DLC1: variants seen among roughly 807,000 people sequenced by gnomAD.
The protein encoded by DLC1 is rho GTPase-activating protein 7.
Under a neutral mutation model 140.3 loss-of-function variants are expected in DLC1, and 54 were observed. The ratio of observed to expected loss-of-function variants is 0.38; its 90% CI spans 0.31 to 0.48. The LOEUF is 0.48. Among genes scored for constraint, DLC1 ranks in the 20% least tolerant of loss-of-function variants. The pLI is 0.96. For synonymous variants in DLC1, 986 were observed against 728.1 expected, an observed-to-expected ratio of 1.35 and a Z score of -5.70; for missense variants, 2,536 against 1,907.0, an observed-to-expected ratio of 1.33 and a Z score of -6.14.
chr8:13,313,894 A>G (rs998807418), intron 4 of DLC1, among the ~76,000 whole-genome samples: 2 of 152,094 alleles, frequency 1.3e-5, no homozygotes, highest in African/African-American at 4.8e-5. Flanking sequence ...ACTAGCTATT[A>G]CTAGGTGGGC....
At chr8:13,369,689 G>C (rs1835645558) in intron 4 of DLC1, among the ~76,000 whole-genome samples, 1 of 152,014 alleles carries the variant, frequency 6.6e-6, no homozygotes. Flanking sequence ...CAGCACTGCT[G>C]CTAGCTACTT....
At chr8:13,152,059 A>T (rs1405174061) in intron 5 of DLC1, among the ~76,000 whole-genome samples, 2 of 152,220 alleles carry the variant, frequency 1.3e-5, no homozygotes, top group Non-Finnish European at 2.9e-5. Flanking sequence ...TTAATTGGAC[A>T]GTATGAACTT....
chr8:13,306,542 T>TTG (rs71747968), intron 4 of DLC1, among the ~76,000 whole-genome samples: 6 of 145,222 alleles, frequency 4.1e-5, no homozygotes, highest in African/African-American at 1.0e-4. Context: ...AAATGGGTAT[T>TTG]TGTGTGTGTG....
In DLC1 at chr8:13,195,041, A is replaced by G. The variant is rs1011182728; in HGVS notation, c.1349-79384T>C. On this transcript the variant is annotated intron_variant, in intron 5 of 17. Coordinates refer to ENST00000276297, the MANE Select transcript of DLC1 (RefSeq NM_182643.3). ...AGCAAAAGAAAGTAAACCTAGAAAA[A>G]CCAAACTCTCCTTTAAAAAATGCTT... Among the ~76,000 whole-genome samples, 4 of 152,226 alleles carry G rather than the reference A, an allele frequency of 2.6e-5. No homozygotes were observed. The East Asian group carries it at 7.7e-4, about 29-fold the overall frequency.
intron 2 of DLC1, among the ~76,000 whole-genome samples, chr8:13,447,484 A>G (rs1331816598): frequency 1.3e-5 from 2 of 152,210 alleles, no homozygotes; most frequent in African/African-American, 2.4e-5. Context: ...AGATTCACTC[A>G]GCTAGTAAGT....
intron 5 of DLC1, among the ~76,000 whole-genome samples, chr8:13,244,038 G>A (rs1161852060): frequency 6.6e-6 from 1 of 152,144 alleles, no homozygotes; most frequent in East Asian, 1.9e-4. Context: ...AAGCACCCAA[G>A]GTAGGAACCT....
chr8:13,349,363 C>T lies in DLC1; in HGVS notation c.1315-44061G>A, dbSNP rs1834526588. Reference sequence around the variant, plus strand: ...TAAGCAGATTCACCTATCTTAGAGCCCTCTCAAAACACATTATAGCGAAAA... The same window carrying T: ...TAAGCAGATTCACCTATCTTAGAGCTCTCTCAAAACACATTATAGCGAAAA... On this transcript the variant is annotated intron_variant, in intron 4 of 17. Coordinates refer to ENST00000276297, the MANE Select transcript of DLC1 (RefSeq NM_182643.3). Among the ~76,000 whole-genome samples the T allele has an allele frequency of 2.0e-5, 3 of 151,890 alleles. No homozygotes were observed. In the South Asian group the frequency reaches 6.2e-4, roughly 32 times the overall value.
At chr8:13,586,589 G>GCACA (rs3066494) in intron 1 of DLC1, among the ~76,000 whole-genome samples, 11,502 of 142,896 alleles carry the variant, frequency 0.08, 486 homozygotes, top group Middle Eastern at 0.13. Context: ...AGATGCACAT[G>GCACA]CACACACACA....
chr8:13,547,873 C>A (rs141296718), intron 1 of DLC1, among the ~76,000 whole-genome samples: 1 of 133,900 alleles, frequency 7.5e-6, no homozygotes, highest in African/African-American at 2.8e-5. Flanking sequence ...ACCCATTTCA[C>A]GCGTTTCCTT....
intron 2 of DLC1, among the ~76,000 whole-genome samples, chr8:13,419,868 T>C (rs1338889616): frequency 6.6e-6 from 1 of 152,202 alleles, no homozygotes; most frequent in Non-Finnish European, 1.5e-5. Flanking sequence ...TGGTAAGCTA[T>C]TGATTATTGC....
In DLC1 at chr8:13,414,489, T is replaced by A. The variant is rs577685129; in HGVS notation, c.1024-12870A>T. 1.2e-3 allele frequency among the ~76,000 whole-genome samples: 190 copies of A among 152,308 alleles called. 1 individual carries two copies. The highest frequency in any genetic ancestry group is 1.9e-3 in the Non-Finnish European group (129 of 68,018). On this transcript the variant is annotated intron_variant, in intron 2 of 17. Coordinates refer to ENST00000276297, the MANE Select transcript of DLC1 (RefSeq NM_182643.3). ...CTGTTCTTCCTATGACTCATCGGGA[T>A]TGCAGTTTTCTTCTCATAGATTGCA...
intron 5 of DLC1, among the ~76,000 whole-genome samples, chr8:13,200,756 C>G (rs1003403807): frequency 2.0e-5 from 3 of 151,960 alleles, no homozygotes; most frequent in Non-Finnish European, 4.4e-5. Context: ...AGGTCCATGC[C>G]CAGCTGTTTC....
intron 1 of DLC1, among the ~76,000 whole-genome samples, chr8:13,587,599 T>G (rs1246226359): frequency 1.9e-5 from 1 of 52,074 alleles, no homozygotes; most frequent in Non-Finnish European, 3.6e-5. Context: ...TATATATACA[T>G]TGCATATATA....
intron 5 of DLC1, among the ~76,000 whole-genome samples, chr8:13,198,222 T>A (rs756295849): frequency 6.6e-5 from 10 of 152,168 alleles, no homozygotes; most frequent in Admixed American, 1.3e-4. Flanking sequence ...TTTTAAAATA[T>A]GTGATAAGGC....
intron 1 of DLC1, among the ~76,000 whole-genome samples, chr8:13,507,528 T>C (rs1475243700): frequency 6.6e-6 from 1 of 152,134 alleles, no homozygotes; most frequent in East Asian, 1.9e-4. Context: ...ATGCAAGAAT[T>C]TACCTCCATA....
intron 2 of DLC1, among the ~76,000 whole-genome samples, chr8:13,427,809 C>G (rs992063075): frequency 6.6e-6 from 1 of 152,156 alleles, no homozygotes. Context: ...TTATTCTGAG[C>G]CTTCTACAAT....
chr8:13,356,089 CAAAAAAAAA>C (rs372991073), intron 4 of DLC1, among the ~76,000 whole-genome samples: 1 of 53,356 alleles, frequency 1.9e-5, no homozygotes, highest in Non-Finnish European at 3.2e-5. Context: ...GACTCCATCT[CAAAAAAAAA>C]AAAAAAAAAA....
At chr8:13,100,905 T>TA (rs1563598680) in intron 8 of DLC1, 135 bp from the exon 9 acceptor site, 1 of 86,322 alleles carries the variant, frequency 1.2e-5, no homozygotes, top group East Asian at 1.3e-4. Context: ...AATTTTAAAG[T>TA]TTTTTTTTTT....
At chr8:13,412,921 G>A (rs542634521) in intron 2 of DLC1, among the ~76,000 whole-genome samples, 1 of 109,502 alleles carries the variant, frequency 9.1e-6, no homozygotes, top group African/African-American at 3.4e-5. Context: ...GACAGAGCGA[G>A]ACTCCATCTC....
Sources: gnomAD v4.1 joint callset for allele counts (sites outside exome capture counted in the v4.1 genomes callset) on GRCh38, gnomAD v4.1.1 for gene constraint, MANE v1.5 for transcripts, NCBI Gene and HGNC (gene_info 2026-07-23, HGNC 2026-07-21) for gene names.